JADE3: variants seen among roughly 807,000 people sequenced by gnomAD.
JADE3 encodes protein Jade-3.
A neutral mutation model predicts 50.1 loss-of-function variants in JADE3; 2 were observed. That is an observed-to-expected ratio of 0.04 (90% CI 0.02 to 0.13). The LOEUF (loss-of-function observed/expected upper bound fraction) is 0.13, where lower values mean the gene tolerates loss of function less well. Among genes scored for constraint, JADE3 ranks in the 10% least tolerant of loss-of-function variants. JADE3 has a pLI of 1.00. For missense variants in JADE3, 475 were observed against 634.4 expected (o/e 0.75, Z 2.70); for synonymous variants, 218 against 232.9 (o/e 0.94, Z 0.58).
chrX:46,927,848 C>A (rs1217571493), intron 1 of JADE3, among the ~76,000 whole-genome samples: 2 of 111,832 alleles, frequency 1.8e-5, no homozygotes, highest in African/African-American at 6.5e-5. Flanking sequence ...TGAGCAGGCA[C>A]CAAGGGCAGA....
chrX:46,994,206 G>A (rs781804598), intron 3 of JADE3, among the ~76,000 whole-genome samples: 188 of 112,196 alleles, frequency 1.7e-3, no homozygotes, highest in Middle Eastern at 4.6e-3. Flanking sequence ...TCTGCAAAGG[G>A]CATTTTCATT....
chrX:46,982,975 C>T (rs1299465332), intron 1 of JADE3, among the ~76,000 whole-genome samples: 1 of 111,410 alleles, frequency 9.0e-6, no homozygotes, highest in Non-Finnish European at 1.9e-5. Flanking sequence ...ATTACAGGCG[C>T]CTGCCACCAT....
At chrX:46,985,257 T>C (rs1281381080) in intron 2 of JADE3, among the ~76,000 whole-genome samples, 1 of 111,908 alleles carries the variant, frequency 8.9e-6, no homozygotes, top group African/African-American at 3.2e-5. Flanking sequence ...TGATTCTAAT[T>C]GTAGCTTAGG....
intron 2 of JADE3, 96 bp from the exon 3 acceptor site, chrX:46,985,617 T>C (rs546117686): frequency 1.7e-6 from 1 of 571,743 alleles, no homozygotes; most frequent in South Asian, 2.9e-5. Flanking sequence ...CTCCATCATA[T>C]TTTTCATATT....
chrX:47,041,474 T>A (rs1929252414), intron 8 of JADE3, among the ~76,000 whole-genome samples: 1 of 110,172 alleles, frequency 9.1e-6, no homozygotes, highest in African/African-American at 3.3e-5. Flanking sequence ...CACTGCAGCC[T>A]TGAACTCCCG....
At chrX:46,994,742 A>G (rs1928087929) in intron 3 of JADE3, among the ~76,000 whole-genome samples, 1 of 111,741 alleles carries the variant, frequency 8.9e-6, no homozygotes, top group South Asian at 3.8e-4. Context: ...ATAGAGAAGA[A>G]CTCAGTTATA....
intron 1 of JADE3, among the ~76,000 whole-genome samples, chrX:46,966,263 A>G (rs1556349005): frequency 8.9e-6 from 1 of 112,076 alleles, no homozygotes; most frequent in African/African-American, 3.2e-5. Context: ...CTCAGTGTTG[A>G]TCGTCTTCCA....
chrX:47,026,414 T>C (rs182981357), intron 5 of JADE3, among the ~76,000 whole-genome samples: 1 of 111,842 alleles, frequency 8.9e-6, no homozygotes, highest in Non-Finnish European at 1.9e-5. Context: ...CATCTTACTT[T>C]ACCATGGTAC....
intron 8 of JADE3, 108 bp from the exon 9 acceptor site, chrX:47,054,050 T>C: frequency 2.0e-6 from 1 of 504,580 alleles, no homozygotes; most frequent in Admixed American, 3.9e-5. Context: ...ACTAACTTTC[T>C]CCCGGTCTTT....
intron 7 of JADE3, among the ~76,000 whole-genome samples, chrX:47,036,544 A>AGTGTG: frequency 9.4e-6 from 1 of 105,975 alleles, no homozygotes; most frequent in Non-Finnish European, 1.9e-5. Context: ...TGTGGAAGTC[A>AGTGTG]GTGTGGCGAT....
Position 47,012,843 on chromosome X carries a change from T to A in JADE3, c.285-11881T>A, listed in dbSNP as rs144920211. ...AAGTTCATTTTTTTTTATGTGTGGATATCTAGTTGTCACAACACCATTTGT... is the reference window on the plus strand; with the variant it reads ...AAGTTCATTTTTTTTTATGTGTGGAAATCTAGTTGTCACAACACCATTTGT... On this transcript the variant is annotated intron_variant, in intron 4 of 10. Coordinates refer to ENST00000614628, the MANE Select transcript of JADE3 (RefSeq NM_014735.5). 3.3e-3 allele frequency among the ~76,000 whole-genome samples: 367 copies of A among 110,922 alleles called. 1 individual carries two copies. Among genetic ancestry groups the A allele is most frequent in the African/African-American group, 0.011 (350 of 30,558 alleles).
rs781785532 is a variant in JADE3, at chrX:46,939,484, C to G, written c.-12+26765C>G. On this transcript the variant is annotated intron_variant, in intron 1 of 10. Coordinates refer to ENST00000614628, the MANE Select transcript of JADE3 (RefSeq NM_014735.5). ...GTAAATTCTAGTTGTAACTCCTGCT[C>G]TCTTTCAATGATGTGGAAGATTGTT... Among the ~76,000 whole-genome samples the G allele has an allele frequency of 1.2e-4, 13 of 111,797 alleles. No individual in the cohort carries two copies. The South Asian group carries it at 4.8e-3, about 42-fold the overall frequency.
intron 2 of JADE3, 51 bp from the exon 3 acceptor site, chrX:46,985,662 T>TA (rs1556354308): frequency 1.3e-6 from 1 of 780,322 alleles, no homozygotes; most frequent in East Asian, 3.2e-5. Flanking sequence ...GACATTTAGT[T>TA]ATATTAATAG....
intron 4 of JADE3, among the ~76,000 whole-genome samples, chrX:47,013,637 G>T (rs896238032): frequency 9.0e-6 from 1 of 110,902 alleles, no homozygotes; most frequent in African/African-American, 3.3e-5. Flanking sequence ...AAGGAAAATG[G>T]GTACCCTTAA....
intron 1 of JADE3, among the ~76,000 whole-genome samples, chrX:46,950,301 A>T (rs1016536356): frequency 4.5e-4 from 50 of 111,182 alleles, no homozygotes; most frequent in African/African-American, 1.6e-3. Flanking sequence ...CAGTCACTCC[A>T]CTCTTCTCCC....
Position 47,054,437 on chromosome X carries a change from G to T in JADE3, c.1252G>T (p.Ala418Ser). Residue 418 changes from alanine (A) to serine (S), a missense_variant, in exon 9 of 11, where the codon GCA (alanine) becomes TCA (serine). Ala to Ser is a moderately conservative substitution (Grantham distance 99). Transcript: ENST00000614628. Reference sequence around the variant, plus strand: ...CTTGGTACGAGTGGAAGATGTGGCCGCAGAGCTGGGTATGCCCACGCTAGC... The same window carrying T: ...CTTGGTACGAGTGGAAGATGTGGCCTCAGAGCTGGGTATGCCCACGCTAGC... ...YSLVRVEDVA[A>S]ELGMPTLAVD... 3 of 1,211,216 alleles carry T rather than the reference G, an allele frequency of 2.5e-6. No individual in the cohort carries two copies. The Middle Eastern group carries it at 7.0e-4, about 281-fold the overall frequency.
intron 1 of JADE3, among the ~76,000 whole-genome samples, chrX:46,932,268 C>T (rs781871044): frequency 3.8e-4 from 43 of 111,984 alleles, no homozygotes; most frequent in African/African-American, 1.2e-3. Flanking sequence ...GTTTGGCTCA[C>T]TGTTCACTAA....
intron 1 of JADE3, among the ~76,000 whole-genome samples, chrX:46,973,033 A>G (rs894484034): frequency 8.9e-6 from 1 of 112,452 alleles, no homozygotes; most frequent in Non-Finnish European, 1.9e-5. Flanking sequence ...GATATTTCCT[A>G]TCTGGTCCTT....
intron 8 of JADE3, among the ~76,000 whole-genome samples, chrX:47,042,181 A>G (rs1929275389): frequency 9.0e-6 from 1 of 110,733 alleles, no homozygotes; most frequent in Non-Finnish European, 1.9e-5. Flanking sequence ...TTGTAGAGAT[A>G]GGGTCTTGCT....
Sources: gnomAD v4.1 joint callset for allele counts (sites outside exome capture counted in the v4.1 genomes callset) on GRCh38, gnomAD v4.1.1 for gene constraint, MANE v1.5 for transcripts, NCBI Gene and HGNC (gene_info 2026-07-23, HGNC 2026-07-21) for gene names.